The following GRIA3 variants were observed in gnomAD, a reference collection of about 807,000 sequenced individuals.
The protein encoded by GRIA3 is glutamate receptor 3.
GRIA3 carries 3 observed loss-of-function variants against 63.0 expected under a neutral mutation model. The observed-to-expected ratio is 0.05, with a 90% CI of 0.02 to 0.12. The LOEUF (loss-of-function observed/expected upper bound fraction) is 0.12. Among genes scored for constraint, GRIA3 ranks in the 10% least tolerant of loss-of-function variants. The pLI is 1.00. For synonymous variants in GRIA3, 274 were observed against 257.9 expected (o/e 1.06, Z -0.60); for missense variants, 347 against 700.9 (o/e 0.50, Z 5.70).
Position 123,259,508 on chromosome X carries a change from C to T in GRIA3, c.508+5966C>T, listed in dbSNP as rs926357671. ...CTTTCTCTCTACACACACACTCATG[C>T]GCGCGCACACACACACACACACCTC... On this transcript the variant is annotated intron_variant, in intron 3 of 15. Transcript: ENST00000620443. Among the ~76,000 whole-genome samples the T allele has an allele frequency of 2.4e-3, 262 of 107,683 alleles. 2 individuals carry two copies. The highest frequency in any genetic ancestry group is 7.5e-3 in the African/African-American group (222 of 29,485). The allele number at this position is 107,683 out of a possible 115,157, so 93.5% of individuals were successfully genotyped here. A position where few individuals can be genotyped will look rare whatever the true frequency, so the allele number is the denominator to read the frequency against.
At chrX:123,215,160 G>T (rs748210295) in intron 2 of GRIA3, among the ~76,000 whole-genome samples, 1 of 111,717 alleles carries the variant, frequency 9.0e-6, no homozygotes, top group African/African-American at 3.3e-5. Flanking sequence ...TACATAACTG[G>T]GATCCAAGAA....
chrX:123,414,381 TG>T (rs2045523865), intron 10 of GRIA3, among the ~76,000 whole-genome samples: 2 of 112,519 alleles, frequency 1.8e-5, no homozygotes, highest in South Asian at 7.4e-4. Flanking sequence ...CCCATACATC[TG>T]GGGTGGAGCC....
rs1237878733 is a variant in GRIA3, at chrX:123,489,595, G to A, written c.*885G>A. 1 of 112,225 alleles carries A rather than the reference G, an allele frequency of 8.9e-6. No homozygotes were observed. The highest frequency in any genetic ancestry group is 1.9e-5 in the Non-Finnish European group (1 of 53,188). The allele number at this position is 112,225 out of a possible 1,213,427, so 9.2% of individuals were successfully genotyped here. On this transcript the variant is annotated 3_prime_UTR_variant, in exon 16 of 16. Coordinates refer to ENST00000620443, the MANE Select transcript of GRIA3 (RefSeq NM_007325.5). ...TCACAGATCTGTTTTTCTTGCTTCA[G>A]TGTGCATTTTAAGTCAATAGAGCTG... is the stretch of plus-strand genomic sequence containing the variant.
intron 10 of GRIA3, among the ~76,000 whole-genome samples, chrX:123,408,217 C>T (rs2045486335): frequency 1.8e-5 from 2 of 111,479 alleles, no homozygotes; most frequent in Non-Finnish European, 3.8e-5. Context: ...CTACCTGCCT[C>T]GGCCTCCTAA....
At chrX:123,421,706 A>C (rs898252899) in intron 11 of GRIA3, among the ~76,000 whole-genome samples, 1 of 112,086 alleles carries the variant, frequency 8.9e-6, no homozygotes, top group African/African-American at 3.2e-5. Context: ...GAGGGACAAC[A>C]ACCACCTTCC....
chrX:123,225,214 A>G (rs1195944678), intron 2 of GRIA3, among the ~76,000 whole-genome samples: 5 of 111,940 alleles, frequency 4.5e-5, no homozygotes, highest in Non-Finnish European at 9.4e-5. Context: ...AAACAATAAC[A>G]ATAGTGTTGC....
intron 3 of GRIA3, among the ~76,000 whole-genome samples, chrX:123,254,637 C>T (rs1408159037): frequency 9.8e-5 from 11 of 112,185 alleles, no homozygotes; most frequent in Admixed American, 5.7e-4. Flanking sequence ...ACACTCTTCA[C>T]TTTACTCTCA....
At chrX:123,201,663 C>T (rs1285755627) in intron 2 of GRIA3, among the ~76,000 whole-genome samples, 2 of 107,589 alleles carry the variant, frequency 1.9e-5, no homozygotes, top group Non-Finnish European at 3.9e-5. Context: ...ATTCCTAAAG[C>T]AATCACTGCA....
intron 2 of GRIA3, among the ~76,000 whole-genome samples, chrX:123,252,832 G>C (rs771249994): frequency 1.8e-5 from 2 of 112,025 alleles, no homozygotes; most frequent in Non-Finnish European, 3.8e-5. Flanking sequence ...TATGTAACCT[G>C]AAGGGTAACA....
At chrX:123,457,972 T>A (rs2045770767) in intron 12 of GRIA3, among the ~76,000 whole-genome samples, 1 of 110,226 alleles carries the variant, frequency 9.1e-6, no homozygotes, top group Non-Finnish European at 1.9e-5. Context: ...AAAAGGTGAG[T>A]TGAATGGAAT....
chrX:123,240,345 T>G (rs751442688), intron 2 of GRIA3, among the ~76,000 whole-genome samples: 1 of 112,175 alleles, frequency 8.9e-6, no homozygotes, highest in Non-Finnish European at 1.9e-5. Flanking sequence ...TGCCTTTTTT[T>G]TTCCTTGATG....
intron 3 of GRIA3, among the ~76,000 whole-genome samples, chrX:123,257,452 G>A (rs1343312204): frequency 9.3e-6 from 1 of 107,435 alleles, no homozygotes; most frequent in East Asian, 2.9e-4. Context: ...AAGATAGGAA[G>A]GGAAGAGAAA....
chrX:123,347,150 A>C (rs1016091185), intron 4 of GRIA3, among the ~76,000 whole-genome samples: 4 of 111,980 alleles, frequency 3.6e-5, no homozygotes, highest in African/African-American at 1.3e-4. Flanking sequence ...GGGTGCTTGA[A>C]CTGTTAGCGT....
At chrX:123,220,495 C>T (rs12837860) in intron 2 of GRIA3, among the ~76,000 whole-genome samples, 8,013 of 111,663 alleles carry the variant, frequency 0.072, 268 homozygotes, top group Non-Finnish European at 0.1. Context: ...TGAGTTTCTG[C>T]TTGCTGTCCT....
intron 3 of GRIA3, among the ~76,000 whole-genome samples, chrX:123,307,917 A>G (rs761398663): frequency 9.0e-6 from 1 of 110,760 alleles, no homozygotes; most frequent in East Asian, 2.9e-4. Flanking sequence ...AGTAGTGTTG[A>G]TTTTCCCTGG....
At chrX:123,410,046 T>A (rs371332113) in intron 10 of GRIA3, among the ~76,000 whole-genome samples, 5 of 111,895 alleles carry the variant, frequency 4.5e-5, no homozygotes, top group African/African-American at 6.5e-5. Flanking sequence ...AACTTTTCCA[T>A]CTAAGATACT....
At chrX:123,197,644 A>G (rs778496515) in intron 2 of GRIA3, among the ~76,000 whole-genome samples, 5 of 112,401 alleles carry the variant, frequency 4.4e-5, no homozygotes, top group Non-Finnish European at 9.4e-5. Context: ...AAGCTCCTCA[A>G]ATTCTATATC....
intron 2 of GRIA3, among the ~76,000 whole-genome samples, chrX:123,200,586 CATAT>C (rs201864598): frequency 4.6e-5 from 4 of 87,153 alleles, no homozygotes; most frequent in Non-Finnish European, 6.7e-5. Context: ...CATATATATA[CATAT>C]ACACACACAC....
chrX:123,382,243 T>G (rs998446665), intron 5 of GRIA3, among the ~76,000 whole-genome samples: 1 of 111,368 alleles, frequency 9.0e-6, no homozygotes, highest in Non-Finnish European at 1.9e-5. Flanking sequence ...TGTTAGTGCT[T>G]TCTGTCCATA....
Sources: allele counts gnomAD v4.1 joint callset (sites outside exome capture counted in the v4.1 genomes callset), GRCh38; gene constraint gnomAD v4.1.1; transcripts MANE v1.5; gene names NCBI Gene and HGNC (gene_info 2026-07-23, HGNC 2026-07-21).